EIF5: variants seen among roughly 807,000 people sequenced by gnomAD.
EIF5 encodes the protein eukaryotic translation initiation factor 5.
EIF5 carries 10 observed loss-of-function variants against 48.3 expected under a neutral mutation model. The ratio of observed to expected loss-of-function variants is 0.21; its 90% CI spans 0.13 to 0.35. EIF5 has a LOEUF of 0.35. EIF5 is among the 10% of genes least tolerant of loss of function. The pLI, the probability that EIF5 is intolerant of heterozygous loss-of-function variation, is 1.00. For synonymous variants in EIF5, 237 were observed against 173.1 expected (o/e 1.37, Z -2.90); for missense variants, 397 against 533.2 (o/e 0.74, Z 2.51).
intron 6 of EIF5, 27 bp from the exon 7 acceptor site, chr14:103,338,300 A>C: frequency 1.2e-6 from 2 of 1,606,994 alleles, no homozygotes; most frequent in Non-Finnish European, 8.5e-7. Context: ...TATGGGGTTA[A>C]ATTTTTATTT....
rs149164313 is a variant in EIF5, at chr14:103,337,061, C to G, written c.328-55C>G. 3.2e-4 allele frequency: 492 copies of G among 1,518,834 alleles called. 1 individual carries two copies. The African/African-American group carries it at 5.8e-3, about 18-fold the overall frequency. The allele number at this position is 1,518,834 out of a possible 1,614,324, so 94.1% of individuals were successfully genotyped here. On this transcript the variant is annotated intron_variant, in intron 5 of 11. Transcript: ENST00000216554. Reference sequence around the variant, plus strand: ...AAGCTGTCTGTGGTTTAGATGTCCTCTGATTAGATATTTTCATGTTATATT... The same window carrying G: ...AAGCTGTCTGTGGTTTAGATGTCCTGTGATTAGATATTTTCATGTTATATT...
chr14:103,337,353 C>T, intron 6 of EIF5, 126 bp downstream of exon 6: 1 of 801,836 alleles, frequency 1.2e-6, no homozygotes, highest in South Asian at 1.9e-5. Context: ...GCTTGTATTC[C>T]CCGCATTTTG....
chr14:103,336,566 G>A (rs1250915240), intron 4 of EIF5, 111 bp from the exon 5 acceptor site: 1 of 1,187,212 alleles, frequency 8.4e-7, no homozygotes, highest in Non-Finnish European at 1.2e-6. Flanking sequence ...GGGTGACAGA[G>A]TGAGACTCTT....
intron 6 of EIF5, 44 bp from the exon 7 acceptor site, chr14:103,338,278 GGTAAT>G (rs1380288666): frequency 3.0e-5 from 48 of 1,594,242 alleles, no homozygotes; most frequent in South Asian, 4.5e-5. Context: ...TGGGCAATGA[GGTAAT>G]GTAAGTTATG....
At chr14:103,339,546 G>A in intron 9 of EIF5, 93 bp from the exon 10 acceptor site, 8 of 1,566,460 alleles carry the variant, frequency 5.1e-6, no homozygotes, top group Admixed American at 1.7e-5. Flanking sequence ...TATGGTATGG[G>A]CCATGCACTT....
chr14:103,337,990 T>C (rs780229484), intron 6 of EIF5: 1 of 550,626 alleles, frequency 1.8e-6, no homozygotes, highest in Non-Finnish European at 3.5e-6. Flanking sequence ...ACCTGTTGGC[T>C]AAAGCTGGGT....
At position 103,336,162 on chromosome 14, in the gene EIF5, G is replaced by A. The variant is rs756741879; in HGVS notation, c.154+45G>A. 3.2e-6 allele frequency: 5 copies of A among 1,566,424 alleles called. No homozygotes were observed. In the East Asian group the frequency reaches 9.1e-5, roughly 28 times the overall value. On this transcript the variant is annotated intron_variant, in intron 4 of 11. Transcript: ENST00000216554. ...GTCCACAGGGCATATTATGGATAGA[G>A]TCTTCAAAGTCTTTGAGCTGCAAAA...
In EIF5 at chr14:103,334,375, TC is replaced by T. The variant is rs2089256060; in HGVS notation, c.-417-13del. 1 of 151,900 alleles carries T rather than the reference TC, an allele frequency of 6.6e-6. No homozygotes were observed. The highest frequency in any genetic ancestry group is 6.5e-5 in the Admixed American group (1 of 15,268). The allele number at this position is 151,900 out of a possible 1,614,324, so 9.4% of individuals were successfully genotyped here. ...CGACCGCCCACGGCTCACGGCGCCG[TC>T]TCTCCGCGCCAGGTCGCCCAGCTCC... On this transcript the variant is annotated splice_polypyrimidine_tract_variant and intron_variant, in intron 1 of 11. Coordinates refer to ENST00000216554, the MANE Select transcript of EIF5 (RefSeq NM_001969.5).
At position 103,336,712 on chromosome 14, in the gene EIF5, C is replaced by CAG; in HGVS notation, c.192_193dup (p.Thr65ArgfsTer55). On this transcript the variant is annotated frameshift_variant, in exon 5 of 12. Transcript: ENST00000216554. LOFTEE classifies it high-confidence loss of function. ...ATATTTTGGTTGTGAGCTGGGAGCA[C>CAG]AGACCCAGTTTGATGTTAAGAATGA... 6.2e-7 allele frequency: 1 copy of CAG among 1,613,186 alleles called. No homozygotes were observed. The highest frequency in any genetic ancestry group is 8.5e-7 in the Non-Finnish European group (1 of 1,179,766).
At chr14:103,337,786 CAA>C in intron 6 of EIF5, 1 of 458,236 alleles carries the variant, frequency 2.2e-6, no homozygotes, top group Non-Finnish European at 4.3e-6. Context: ...GGAAACCCAG[CAA>C]AGTTTCTTTT....
rs573911653 is a variant in EIF5, at chr14:103,341,835, C to T, written c.*783C>T. 1.3e-5 allele frequency: 2 copies of T among 152,030 alleles called. No individual in the cohort carries two copies. Among genetic ancestry groups the T allele is most frequent in the Non-Finnish European group, 2.9e-5 (2 of 67,990 alleles). The allele number at this position is 152,030 out of a possible 1,614,324, so 9.4% of individuals were successfully genotyped here. On this transcript the variant is annotated 3_prime_UTR_variant, in exon 12 of 12. Transcript: ENST00000216554. ...GTGTGTACGTAGTAGTTACTTTGTACTGAGAGAACTTGCTTTGGGGTGCAA... is the reference window on the plus strand; with the variant it reads ...GTGTGTACGTAGTAGTTACTTTGTATTGAGAGAACTTGCTTTGGGGTGCAA...
At position 103,342,040 on chromosome 14, in the gene EIF5, C is replaced by G. The variant is rs768780492; in HGVS notation, c.*988C>G. Reference sequence around the variant, plus strand: ...CCTCTTGCAGTTTGTTCTGTAATGCCTTTTACATTTGGACACATAGTTTAT... The same window carrying G: ...CCTCTTGCAGTTTGTTCTGTAATGCGTTTTACATTTGGACACATAGTTTAT... On this transcript the variant is annotated 3_prime_UTR_variant, in exon 12 of 12. Coordinates refer to ENST00000216554, the MANE Select transcript of EIF5 (RefSeq NM_001969.5). 2.0e-5 allele frequency: 3 copies of G among 152,458 alleles called. No homozygotes were observed. The highest frequency in any genetic ancestry group is 2.9e-5 in the Non-Finnish European group (2 of 68,006). The allele number at this position is 152,458 out of a possible 1,614,324, so 9.4% of individuals were successfully genotyped here.
At chr14:103,336,189 T>G in intron 4 of EIF5, 72 bp downstream of exon 4, 1 of 1,415,680 alleles carries the variant, frequency 7.1e-7, no homozygotes. Context: ...GCTGCAAAAC[T>G]TGTTCTAATT....
chr14:103,335,091 AAGGG>A lies in EIF5; in HGVS notation c.-209+498_-209+501del, dbSNP rs766381196. On this transcript the variant is annotated intron_variant, in intron 2 of 11. Transcript: ENST00000216554. ...AACCGAGTATTTGAATAGCGAGGAA[AAGGG>A]AGGCCGGGGCGAGCCTGGCGTTCGC... is the stretch of plus-strand genomic sequence containing the variant. The A allele has an allele frequency of 2.6e-5, 4 of 152,394 alleles. No individual in the cohort carries two copies. The East Asian group carries it at 7.7e-4, about 29-fold the overall frequency. The allele number at this position is 152,394 out of a possible 1,614,324, so 9.4% of individuals were successfully genotyped here.
chr14:103,341,640 TAACC>T lies in EIF5; in HGVS notation c.*591_*594del, dbSNP rs2089353919. 1.3e-5 allele frequency: 2 copies of T among 152,454 alleles called. No individual in the cohort carries two copies. The highest frequency in any genetic ancestry group is 2.9e-5 in the Non-Finnish European group (2 of 68,192). The allele number at this position is 152,454 out of a possible 1,614,324, so 9.4% of individuals were successfully genotyped here. ...ATAATGAAATGACAGTGTAACATCT[TAACC>T]AAGAAGTAAATATGACCTCAGTGTC... On this transcript the variant is annotated 3_prime_UTR_variant, in exon 12 of 12. Coordinates refer to ENST00000216554, the MANE Select transcript of EIF5 (RefSeq NM_001969.5).
chr14:103,338,931 C>G, intron 8 of EIF5, 38 bp downstream of exon 8: 3 of 1,601,828 alleles, frequency 1.9e-6, no homozygotes, highest in Admixed American at 3.4e-5. Flanking sequence ...AGCTTCAACC[C>G]AGCCTTGTTT....
At position 103,336,086 on chromosome 14, in the gene EIF5, C is replaced by T. The variant is rs376597123; in HGVS notation, c.123C>T (p.Asp41=). ...AGACAGTTATAGTCAACATGGTTGA[C>T]GTTGCAAAGGCGCTTAATCGGCCTC... ...GIKTVIVNMV[D]VAKALNRPPT... The change falls in exon 4 of 12, where the codon GAC becomes GAT. Residue 41 remains aspartate (D), a synonymous_variant. Coordinates refer to ENST00000216554, the MANE Select transcript of EIF5 (RefSeq NM_001969.5). 1.1e-5 allele frequency: 17 copies of T among 1,614,112 alleles called. No homozygotes were observed. The highest frequency in any genetic ancestry group is 3.3e-5 in the Admixed American group (2 of 60,006).
rs2089379041 is a variant in EIF5 at position 103,343,627 on chromosome 14, C to T, written c.*2575C>T. ...AAGGGAGGGGTATCAAAATTGAGCC[C>T]CAAGCTGTTTGTTCCAGTGTACCAA... On this transcript the variant is annotated 3_prime_UTR_variant, in exon 12 of 12. Transcript: ENST00000216554. The T allele has an allele frequency of 6.6e-6, 1 of 152,162 alleles. No homozygotes were observed. The allele number at this position is 152,162 out of a possible 1,614,324, so 9.4% of individuals were successfully genotyped here.
rs920190592 is a variant in EIF5, at chr14:103,338,956, A to G, written c.744+63A>G. The stretch of plus-strand genomic sequence containing the variant: ...CAGCCTTGTTTGTGCCTTTAGATAT[A>G]TGATACTTTAGCAGTGTAATTAGGA... On this transcript the variant is annotated intron_variant, in intron 8 of 11. Transcript: ENST00000216554. 45 of 1,573,022 alleles carry G rather than the reference A, an allele frequency of 2.9e-5. No homozygotes were observed. In the African/African-American group the frequency reaches 5.3e-4, roughly 19 times the overall value.
Sources: allele counts gnomAD v4.1 joint callset, GRCh38; gene constraint gnomAD v4.1.1; transcripts MANE v1.5; gene names NCBI Gene and HGNC (gene_info 2026-07-23, HGNC 2026-07-21).